The following CHRM3 variants were observed in gnomAD, a reference collection of about 807,000 sequenced individuals.
CHRM3 encodes the protein cholinergic receptor muscarinic 3, also known as muscarinic acetylcholine receptor M3.
In CHRM3, 11 loss-of-function variants were observed where a neutral mutation model predicts 41.8. That is an observed-to-expected ratio of 0.26 (90% CI 0.17 to 0.44). CHRM3 has a LOEUF of 0.44. Ranked by LOEUF, CHRM3 falls within the 20% of genes least tolerant of loss-of-function variation. The pLI, the probability that CHRM3 is intolerant of heterozygous loss-of-function variation, is 1.00. For missense variants in CHRM3, 571 were observed against 745.4 expected (o/e 0.77, Z 2.72); for synonymous variants, 297 against 301.4 (o/e 0.99, Z 0.15).
chr1:239,656,871 G>C (rs1672766307), intron 4 of CHRM3, among the ~76,000 whole-genome samples: 1 of 151,962 alleles, frequency 6.6e-6, no homozygotes, highest in South Asian at 2.1e-4. Context: ...GTTGGTGATT[G>C]TGCATATAAA....
At chr1:239,828,207 C>CACAT (rs941148926) in intron 6 of CHRM3, among the ~76,000 whole-genome samples, 25 of 152,058 alleles carry the variant, frequency 1.6e-4, no homozygotes, top group African/African-American at 5.3e-4. Flanking sequence ...TAGATATAGA[C>CACAT]ACATACATAC....
At chr1:239,430,674 G>T (rs1022252853) in intron 1 of CHRM3, among the ~76,000 whole-genome samples, 1 of 149,664 alleles carries the variant, frequency 6.7e-6, no homozygotes, top group African/African-American at 2.5e-5. Context: ...ACACATACTA[G>T]ATATATATAT....
At chr1:239,852,865 A>G (rs1177842811) in intron 6 of CHRM3, among the ~76,000 whole-genome samples, 1 of 152,138 alleles carries the variant, frequency 6.6e-6, no homozygotes, top group Non-Finnish European at 1.5e-5. Context: ...GTCATTGTGA[A>G]CATTCTAATT....
At chr1:239,792,446 G>A (rs1335555649) in intron 5 of CHRM3, among the ~76,000 whole-genome samples, 1 of 152,112 alleles carries the variant, frequency 6.6e-6, no homozygotes, top group Non-Finnish European at 1.5e-5. Flanking sequence ...GTGAGGTCTT[G>A]GGGTTGACAG....
chr1:239,395,317 T>C (rs1659384852), intron 1 of CHRM3, among the ~76,000 whole-genome samples: 1 of 152,172 alleles, frequency 6.6e-6, no homozygotes, highest in Non-Finnish European at 1.5e-5. Flanking sequence ...GTAAGGAGCA[T>C]TTCCATGTGC....
At chr1:239,523,325 G>C (rs1234057644) in intron 2 of CHRM3, among the ~76,000 whole-genome samples, 3 of 152,072 alleles carry the variant, frequency 2.0e-5, no homozygotes, top group East Asian at 1.9e-4. Flanking sequence ...TTGATACCTA[G>C]TATTTATATA....
chr1:239,642,351 G>T lies in CHRM3; in HGVS notation c.-250+10065G>T, dbSNP rs368156141. Among the ~76,000 whole-genome samples the T allele has an allele frequency of 8.8e-4, 134 of 151,770 alleles. 1 individual carries two copies. The highest frequency in any genetic ancestry group is 2.4e-3 in the African/African-American group (100 of 41,308). ...GGGGAAGTTCTCCTGGATAATATCC[G>T]GCAGAGTGTTTTCCAACTTGGTTCC... On this transcript the variant is annotated intron_variant, in intron 4 of 6. Coordinates refer to ENST00000676153, the MANE Select transcript of CHRM3 (RefSeq NM_001375978.1).
intron 5 of CHRM3, among the ~76,000 whole-genome samples, chr1:239,774,345 G>A (rs1341972942): frequency 6.6e-6 from 1 of 152,090 alleles, no homozygotes; most frequent in Non-Finnish European, 1.5e-5. Context: ...GGAATACCTA[G>A]CCAATGTGCT....
chr1:239,863,095 T>C (rs1428404149), intron 6 of CHRM3, among the ~76,000 whole-genome samples: 3 of 152,302 alleles, frequency 2.0e-5, no homozygotes, highest in South Asian at 2.1e-4. Context: ...AGGAGGCTGA[T>C]AAAGGACGGA....
At chr1:239,809,056 G>A (rs1360774040) in intron 5 of CHRM3, among the ~76,000 whole-genome samples, 3 of 105,864 alleles carry the variant, frequency 2.8e-5, no homozygotes, top group Non-Finnish European at 5.1e-5. Context: ...GTCTTGCTCT[G>A]TCACCCAGGC....
intron 3 of CHRM3, among the ~76,000 whole-genome samples, chr1:239,622,915 C>T (rs1171564117): frequency 1.3e-5 from 2 of 152,056 alleles, no homozygotes; most frequent in Non-Finnish European, 2.9e-5. Flanking sequence ...ACAGAGAAAT[C>T]TTTTACAAAA....
intron 6 of CHRM3, among the ~76,000 whole-genome samples, chr1:239,838,963 C>A (rs1673557767): frequency 6.6e-6 from 1 of 152,290 alleles, no homozygotes; most frequent in East Asian, 1.9e-4. Flanking sequence ...ATCATATCAT[C>A]TAGAAAATTA....
chr1:239,472,009 C>T (rs1215073659), intron 1 of CHRM3, among the ~76,000 whole-genome samples: 2 of 152,048 alleles, frequency 1.3e-5, no homozygotes, highest in Non-Finnish European at 2.9e-5. Flanking sequence ...ATGAAGGAGA[C>T]TCCAATACTC....
intron 5 of CHRM3, among the ~76,000 whole-genome samples, chr1:239,715,458 G>A (rs539484174): frequency 4.6e-5 from 7 of 152,212 alleles, no homozygotes; most frequent in Non-Finnish European, 7.4e-5. Flanking sequence ...CGTAAATACC[G>A]TCACCATGGC....
intron 3 of CHRM3, among the ~76,000 whole-genome samples, chr1:239,556,869 A>G (rs1181819607): frequency 6.6e-6 from 1 of 152,202 alleles, no homozygotes; most frequent in Non-Finnish European, 1.5e-5. Context: ...CATACATAGA[A>G]GAAAGCAAAT....
chr1:239,737,271 A>G (rs1243109772), intron 5 of CHRM3, among the ~76,000 whole-genome samples: 1 of 152,164 alleles, frequency 6.6e-6, no homozygotes, highest in East Asian at 1.9e-4. Flanking sequence ...CTTTATCACC[A>G]TGAGTAGTGA....
chr1:239,611,219 A>G (rs1435340243), intron 3 of CHRM3, among the ~76,000 whole-genome samples: 1 of 152,172 alleles, frequency 6.6e-6, no homozygotes, highest in African/African-American at 2.4e-5. Flanking sequence ...TGCCAAAATG[A>G]ATATAATGGG....
chr1:239,663,913 G>A (rs1185813676), intron 4 of CHRM3, among the ~76,000 whole-genome samples: 3 of 152,114 alleles, frequency 2.0e-5, no homozygotes, highest in Non-Finnish European at 4.4e-5. Flanking sequence ...AGGATGAAAT[G>A]TTGGTTGGTA....
At chr1:239,430,156 C>T (rs1408858445) in intron 1 of CHRM3, among the ~76,000 whole-genome samples, 7 of 151,602 alleles carry the variant, frequency 4.6e-5, no homozygotes, top group Admixed American at 2.0e-4. Flanking sequence ...TTAGTAGAGA[C>T]GGGGTTTCAC....
Sources: allele counts gnomAD v4.1 joint callset (sites outside exome capture counted in the v4.1 genomes callset), GRCh38; gene constraint gnomAD v4.1.1; transcripts MANE v1.5; gene names NCBI Gene and HGNC (gene_info 2026-07-23, HGNC 2026-07-21).